The following SLCO5A1 variants were observed in gnomAD, a reference collection of about 807,000 sequenced individuals.
The protein encoded by SLCO5A1 is organic anion transporter polypeptide-related protein 4.
In SLCO5A1, 39 loss-of-function variants were observed where a neutral mutation model predicts 65.1. That is an observed-to-expected ratio of 0.60 (90% confidence interval 0.46 to 0.78). The LOEUF (loss-of-function observed/expected upper bound fraction) is 0.78. Ranked by LOEUF, SLCO5A1 falls within the 30% of genes least tolerant of loss-of-function variation. The probability of loss-of-function intolerance (pLI) is 0.00; values close to 1 mark genes in which losing one functional copy is unlikely to be tolerated. For missense variants in SLCO5A1, 1,029 were observed against 1,069.4 expected, an observed-to-expected ratio of 0.96 and a Z score of 0.53; for synonymous variants, 438 against 415.7, an observed-to-expected ratio of 1.05 and a Z score of -0.65.
chr8:69,753,246 C>G (rs1817397862), intron 4 of SLCO5A1, among the ~76,000 whole-genome samples: 1 of 152,132 alleles, frequency 6.6e-6, no homozygotes, highest in South Asian at 2.1e-4. Context: ...CAGAAACACA[C>G]CTCAGAATTG....
chr8:69,715,950 CACCACACCCATTAGCT>C (rs1235467689), intron 5 of SLCO5A1, among the ~76,000 whole-genome samples: 4 of 152,096 alleles, frequency 2.6e-5, no homozygotes, highest in Non-Finnish European at 5.9e-5. Context: ...TAAAAAGAAA[CACCACACCCATTAGCT>C]ATCACACCCA....
At chr8:69,730,098 T>C (rs1029274817) in intron 5 of SLCO5A1, among the ~76,000 whole-genome samples, 5 of 152,342 alleles carry the variant, frequency 3.3e-5, no homozygotes, top group African/African-American at 1.2e-4. Flanking sequence ...CCCTGGGGAA[T>C]GATCACTCAC....
chr8:69,803,786 A>C (rs1042948878), intron 2 of SLCO5A1, among the ~76,000 whole-genome samples: 9 of 152,134 alleles, frequency 5.9e-5, no homozygotes, highest in Admixed American at 5.9e-4. Flanking sequence ...CCAGGAGTTC[A>C]AGACCACCTG....
At chr8:69,814,604 C>T (rs546835773) in intron 2 of SLCO5A1, among the ~76,000 whole-genome samples, 2 of 152,228 alleles carry the variant, frequency 1.3e-5, no homozygotes, top group African/African-American at 2.4e-5. Context: ...GGAGGGTTCT[C>T]AAAGAACTAA....
intron 2 of SLCO5A1, among the ~76,000 whole-genome samples, chr8:69,793,096 C>T (rs1007444489): frequency 6.6e-6 from 1 of 152,038 alleles, no homozygotes; most frequent in Non-Finnish European, 1.5e-5. Context: ...ATTTTCCTGC[C>T]TCAGCCTCCC....
rs575003712 is a variant in SLCO5A1 at position 69,680,565 on chromosome 8, T to C, written c.1783-946A>G. Among the ~76,000 whole-genome samples the C allele has an allele frequency of 3.3e-5, 5 of 152,350 alleles. No homozygotes were observed. The South Asian group carries it at 1.0e-3, about 32-fold the overall frequency. ...AGCACCTAGCTTGATTCCATGTCTT[T>C]ACTATTGTGAACAGTGCTGCGATGA... On this transcript the variant is annotated intron_variant, in intron 7 of 9. Transcript: ENST00000260126.
In SLCO5A1 at chr8:69,738,115, C is replaced by A. The variant is rs1267514007; in HGVS notation, c.1348G>T (p.Ala450Ser). ...SYTAESAIVT[A>S]FITFIPKFIE... Reference sequence around the variant, plus strand: ...AACTTGGGAATGAAGGTAATGAAAGCAGTTACAATGGCACTCTCAGCTGTG... The same window carrying A: ...AACTTGGGAATGAAGGTAATGAAAGAAGTTACAATGGCACTCTCAGCTGTG... Residue 450 changes from alanine to serine, a missense_variant, in exon 5 of 10, where the codon GCT becomes TCT. This residue lies in a region of SLCO5A1 where 647 missense variants were observed against 647.5 expected (regional missense o/e 1.00). Transcript: ENST00000260126. 1 of 1,613,884 alleles carries A rather than the reference C, an allele frequency of 6.2e-7. No individual in the cohort carries two copies. The highest frequency in any genetic ancestry group is 8.5e-7 in the Non-Finnish European group (1 of 1,179,880).
At chr8:69,765,559 C>T (rs2130868142) in intron 2 of SLCO5A1, among the ~76,000 whole-genome samples, 1 of 152,250 alleles carries the variant, frequency 6.6e-6, no homozygotes, top group Admixed American at 6.5e-5. Flanking sequence ...GGTTCTCATT[C>T]AGAGCTTATA....
chr8:69,721,701 A>G (rs933465315), intron 5 of SLCO5A1, among the ~76,000 whole-genome samples: 8 of 152,210 alleles, frequency 5.3e-5, no homozygotes, highest in Non-Finnish European at 1.0e-4. Context: ...ATTTATAGAA[A>G]CTTACTTCAG....
chr8:69,816,261 T>G (rs1820405070), intron 2 of SLCO5A1, among the ~76,000 whole-genome samples: 1 of 152,092 alleles, frequency 6.6e-6, no homozygotes, highest in South Asian at 2.1e-4. Context: ...CCTCAGACCC[T>G]CTCCAAGTTG....
intron 4 of SLCO5A1, among the ~76,000 whole-genome samples, chr8:69,745,069 T>G (rs1586750639): frequency 6.6e-6 from 1 of 152,208 alleles, no homozygotes; most frequent in Non-Finnish European, 1.5e-5. Flanking sequence ...GATTTCTGAG[T>G]GATTGCCTCT....
intron 5 of SLCO5A1, among the ~76,000 whole-genome samples, chr8:69,719,426 A>C (rs1815715527): frequency 6.6e-6 from 1 of 152,228 alleles, no homozygotes; most frequent in South Asian, 2.1e-4. Flanking sequence ...AAATCCATTA[A>C]TTAATCAACC....
Position 69,682,326 on chromosome 8 carries a change from G to C in SLCO5A1, c.1640C>G (p.Pro547Arg). The C allele has an allele frequency of 1.2e-6, 2 of 1,605,838 alleles. No homozygotes were observed. The highest frequency in any genetic ancestry group is 1.7e-6 in the Non-Finnish European group (2 of 1,176,844). ...PYTTGPSLTMPHRNLTGSCNV... is the reference protein window; with the variant it reads ...PYTTGPSLTMRHRNLTGSCNV... ...GCAGCTTCCTGTCAGATTCCTATGG[G>C]GCATGGTGAGAGAAGGTCTAAGAGA... Residue 547 changes from proline (P) to arginine (R), a missense_variant, in exon 7 of 10, where the codon CCC becomes CGC. Pro to Arg is a moderately radical substitution (Grantham distance 103). This residue lies in a region of SLCO5A1 where 124 missense variants were observed against 184.5 expected (regional missense o/e 0.67). Coordinates refer to ENST00000260126, the MANE Select transcript of SLCO5A1 (RefSeq NM_030958.3).
chr8:69,774,049 C>T (rs1818457510), intron 2 of SLCO5A1, among the ~76,000 whole-genome samples: 1 of 152,222 alleles, frequency 6.6e-6, no homozygotes, highest in Admixed American at 6.5e-5. Context: ...GGAATGTCAG[C>T]TCAATGAGAA....
intron 6 of SLCO5A1, among the ~76,000 whole-genome samples, chr8:69,699,661 C>T (rs34513988): frequency 0.11 from 16,908 of 152,030 alleles, 1,182 homozygotes; most frequent in Non-Finnish European, 0.16. Context: ...ACAATCAAGA[C>T]GGCAAAATAA....
At chr8:69,768,139 G>T (rs1345302056) in intron 2 of SLCO5A1, among the ~76,000 whole-genome samples, 1 of 152,084 alleles carries the variant, frequency 6.6e-6, no homozygotes, top group African/African-American at 2.4e-5. Flanking sequence ...AGGCTGAAGT[G>T]GGAGGATCAC....
intron 4 of SLCO5A1, among the ~76,000 whole-genome samples, chr8:69,747,868 T>C (rs1817110308): frequency 6.6e-6 from 1 of 152,250 alleles, no homozygotes; most frequent in Non-Finnish European, 1.5e-5. Flanking sequence ...CTTGAGCATT[T>C]GGCAGATACA....
intron 8 of SLCO5A1, among the ~76,000 whole-genome samples, chr8:69,678,747 A>T (rs1183721655): frequency 4.6e-5 from 7 of 152,014 alleles, no homozygotes; most frequent in African/African-American, 1.7e-4. Flanking sequence ...ATGTCCTCTT[A>T]TAAACAAAAA....
intron 2 of SLCO5A1, among the ~76,000 whole-genome samples, chr8:69,821,231 C>T (rs1333707519): frequency 6.6e-6 from 1 of 151,850 alleles, no homozygotes; most frequent in African/African-American, 2.4e-5. Flanking sequence ...TGGTGGCGCA[C>T]CCCTGTAATC....
Sources: gnomAD v4.1 joint callset for allele counts (sites outside exome capture counted in the v4.1 genomes callset) on GRCh38, gnomAD v4.1.1 for gene constraint, gnomAD v4.1.1 regional missense constraint, MANE v1.5 for transcripts, NCBI Gene and HGNC (gene_info 2026-07-23, HGNC 2026-07-21) for gene names.